ATP13A1: variants seen among roughly 807,000 people sequenced by gnomAD.
ATP13A1 encodes ATPase 13A1.
Under a neutral mutation model 134.8 loss-of-function variants are expected in ATP13A1, and 55 were observed. That is an observed-to-expected ratio of 0.41 (90% confidence interval 0.33 to 0.51). The LOEUF (loss-of-function observed/expected upper bound fraction) is 0.51. Among genes scored for constraint, ATP13A1 ranks in the 20% least tolerant of loss-of-function variants. ATP13A1 has a pLI of 0.29. For missense variants in ATP13A1, 1,389 were observed against 1,652.8 expected, an observed-to-expected ratio of 0.84 and a Z score of 2.77; for synonymous variants, 775 against 725.1, an observed-to-expected ratio of 1.07 and a Z score of -1.10.
In ATP13A1 at chr19:19,663,160, C is replaced by T. The variant is rs1297598001; in HGVS notation, c.396+111G>A. The T allele has an allele frequency of 2.0e-6, 3 of 1,470,220 alleles. No homozygotes were observed. In the East Asian group the frequency reaches 7.4e-5, roughly 36 times the overall value. The allele number at this position is 1,470,220 out of a possible 1,614,324, so 91.1% of individuals were successfully genotyped here. ...TAGAGGGTGCCCCTGGGAATCCAGG[C>T]CAGGCAGATGAGTGGCCCAGGTCGC... On this transcript the variant is annotated intron_variant, in intron 1 of 25. Coordinates refer to ENST00000357324, the MANE Select transcript of ATP13A1 (RefSeq NM_020410.3).
chr19:19,659,705 G>A lies in ATP13A1; in HGVS notation c.573C>T (p.Pro191=), dbSNP rs149569402. ...AGGCGTTTCCCACAGGAAAGGCCAC[G>A]GGGAGAAACTGCTTCTTCTCCAGGG... ...YDALEKKQFL[P]VAFPVGNAFS... The change falls in exon 3 of 26, where the codon CCC becomes CCT. Residue 191 remains proline, a synonymous_variant. Coordinates refer to ENST00000357324, the MANE Select transcript of ATP13A1 (RefSeq NM_020410.3). 706 of 1,613,954 alleles carry A rather than the reference G, an allele frequency of 4.4e-4. No homozygotes were observed. Among genetic ancestry groups the A allele is most frequent in the Non-Finnish European group, 5.5e-4 (654 of 1,179,868 alleles).
At position 19,656,574 on chromosome 19, in the gene ATP13A1, G is replaced by A. The variant is rs1237609534; in HGVS notation, c.1083+86C>T. 11 of 1,397,674 alleles carry A rather than the reference G, an allele frequency of 7.9e-6. No homozygotes were observed. The highest frequency in any genetic ancestry group is 1.1e-5 in the Non-Finnish European group (11 of 1,016,384). The allele number at this position is 1,397,674 out of a possible 1,614,324, so 86.6% of individuals were successfully genotyped here. On this transcript the variant is annotated intron_variant, in intron 7 of 25. Transcript: ENST00000357324. The surrounding 1 kb of genome is among the most constrained non-coding windows in gnomAD (Gnocchi z 4.6). The stretch of plus-strand genomic sequence containing the variant: ...CACTGCCTCCTCCGCCTGTGCCTGA[G>A]GGGGATCCCCGCCACCCCCTGGGCC...
chr19:19,649,994 G>T, intron 17 of ATP13A1, 54 bp from the exon 18 acceptor site: 1 of 1,481,884 alleles, frequency 6.7e-7, no homozygotes, highest in Non-Finnish European at 9.1e-7. Context: ...GGGCTCAGAA[G>T]CACCCTCCCT....
In ATP13A1 at chr19:19,655,471, G is replaced by A; in HGVS notation, c.1397-18C>T. The A allele has an allele frequency of 6.2e-7, 1 of 1,613,988 alleles. No homozygotes were observed. The highest frequency in any genetic ancestry group is 2.2e-5 in the East Asian group (1 of 44,884). ...CTTGGTACCTGTGGAGACAGGGCCT[G>A]CCAACCTGGAGCCTCGGAGGGTGGG... is the stretch of plus-strand genomic sequence containing the variant. On this transcript the variant is annotated intron_variant, in intron 10 of 25. Transcript: ENST00000357324. The surrounding 1 kb of genome is among the most constrained non-coding windows in gnomAD (Gnocchi z 5.7).
chr19:19,661,760 A>G (rs2062096000), intron 1 of ATP13A1, among the ~76,000 whole-genome samples: 1 of 152,166 alleles, frequency 6.6e-6, no homozygotes, highest in Admixed American at 6.5e-5. Context: ...CATGGAGACG[A>G]GCTGCATGGA....
rs114631502 is a variant in ATP13A1 at position 19,646,631 on chromosome 19, C to T, written c.3106-284G>A. ...CAGATCCTGCCCTCCCTGGAGCCCA[C>T]GGGACAGGCACAGTCCCGCCCAGCC... On this transcript the variant is annotated intron_variant, in intron 22 of 25. Transcript: ENST00000357324. 2,074 of 508,668 alleles carry T rather than the reference C, an allele frequency of 4.1e-3. 31 individuals are homozygous for T. The highest frequency in any genetic ancestry group is 0.035 in the African/African-American group (1,805 of 52,016). The allele number at this position is 508,668 out of a possible 1,614,324, so 31.5% of individuals were successfully genotyped here. A position where few individuals can be genotyped will look rare whatever the true frequency, so the allele number is the denominator to read the frequency against.
At position 19,660,006 on chromosome 19, in the gene ATP13A1, G is replaced by A. The variant is rs543272396; in HGVS notation, c.397-19C>T. 2 of 1,550,510 alleles carry A rather than the reference G, an allele frequency of 1.3e-6. No individual in the cohort carries two copies. The highest frequency in any genetic ancestry group is 4.1e-5 in the Admixed American group (2 of 48,842). On this transcript the variant is annotated intron_variant, in intron 1 of 25. Coordinates refer to ENST00000357324, the MANE Select transcript of ATP13A1 (RefSeq NM_020410.3). Reference sequence around the variant, plus strand: ...CGTACTCCTGACAGAGACAAAGAAAGCATTGTGGCTTAGCTCTTCTCAACC... The same window carrying A: ...CGTACTCCTGACAGAGACAAAGAAAACATTGTGGCTTAGCTCTTCTCAACC...
At chr19:19,662,067 A>G in intron 1 of ATP13A1, 2 of 1,574,430 alleles carry the variant, frequency 1.3e-6, no homozygotes, top group Non-Finnish European at 1.7e-6. Context: ...AATCAAACCC[A>G]GATCCACCTC....
At position 19,646,998 on chromosome 19, in the gene ATP13A1, C is replaced by T. The variant is rs952206139; in HGVS notation, c.3105+131G>A. The T allele has an allele frequency of 1.9e-5, 20 of 1,030,742 alleles. No individual in the cohort carries two copies. In the African/African-American group the frequency reaches 3.1e-4, roughly 16 times the overall value. 63.8% of individuals were successfully genotyped at this position (1,030,742 alleles called of 1,614,324 possible). On this transcript the variant is annotated intron_variant, in intron 22 of 25. Coordinates refer to ENST00000357324, the MANE Select transcript of ATP13A1 (RefSeq NM_020410.3). ...ACCTGCCCTGCCAGCATTTCCTGAGCCATCCCAGCTACAGCCCCCATCTCT... is the reference window on the plus strand; with the variant it reads ...ACCTGCCCTGCCAGCATTTCCTGAGTCATCCCAGCTACAGCCCCCATCTCT...
intron 1 of ATP13A1, chr19:19,662,326 G>C (rs571710415): frequency 1.0e-6 from 1 of 985,296 alleles, no homozygotes; most frequent in Non-Finnish European, 1.2e-6. Context: ...CTCAGGAGAG[G>C]AGAATGAGGA....
At position 19,655,139 on chromosome 19, in the gene ATP13A1, C is replaced by T; in HGVS notation, c.1635G>A (p.Val545=). 1 of 1,613,950 alleles carries T rather than the reference C, an allele frequency of 6.2e-7. No individual in the cohort carries two copies. Among genetic ancestry groups the T allele is most frequent in the East Asian group, 2.2e-5 (1 of 44,886 alleles). The change falls in exon 12 of 26, where the codon GTG becomes GTA. Residue 545 remains valine, a synonymous_variant. Transcript: ENST00000357324. The surrounding 1 kb of genome is among the most constrained non-coding windows in gnomAD (Gnocchi z 5.7). ...TGTLTSDSLV[V]RGVAGLRDGK... ...CTTACCTCAGCCCGGCCACACCGCG[C>T]ACCACCAGGCTGTCACTGGTCAACG...
chr19:19,649,968 G>A (rs1232370745), intron 17 of ATP13A1, 28 bp from the exon 18 acceptor site: 1 of 1,554,558 alleles, frequency 6.4e-7, no homozygotes, highest in African/African-American at 1.4e-5. Flanking sequence ...GGTTAGGGCT[G>A]GGGGCTTGGC....
At chr19:19,662,415 T>A in intron 1 of ATP13A1, 1 of 959,900 alleles carries the variant, frequency 1.0e-6, no homozygotes, top group Non-Finnish European at 1.2e-6. Flanking sequence ...CTTTTCCTCT[T>A]CTTGAGGCAA....
Position 19,647,465 on chromosome 19 carries a change from C to A in ATP13A1, c.2857G>T (p.Asp953Tyr). 3 of 1,613,496 alleles carry A rather than the reference C, an allele frequency of 1.9e-6. No homozygotes were observed. The highest frequency in any genetic ancestry group is 2.5e-6 in the Non-Finnish European group (3 of 1,179,700). ...GTGAAGGGTGCTGCGATGCTGGCAT[C>A]CCCCAGTTTCACAATGGGCGTACTC... ...DESTPIVKLG[D>Y]ASIAAPFTSK... Residue 953 changes from aspartate (D) to tyrosine (Y), a missense_variant, in exon 21 of 26, where the codon GAT (aspartate) becomes TAT (tyrosine). By Grantham distance (160) the Asp-to-Tyr change is radical. Coordinates refer to ENST00000357324, the MANE Select transcript of ATP13A1 (RefSeq NM_020410.3). This position sits in a 1 kb window ranked among gnomAD's most constrained non-coding sequence, Gnocchi z 4.8.
chr19:19,648,294 G>A (rs544743221), intron 19 of ATP13A1, among the ~76,000 whole-genome samples: 27 of 152,072 alleles, frequency 1.8e-4, no homozygotes, highest in African/African-American at 6.3e-4. Flanking sequence ...ACTCCAGCCT[G>A]GGCGACAGAG....
rs2062109133 is a variant in ATP13A1 at position 19,663,642 on chromosome 19, T to G, written c.25A>C (p.Asn9His). 2 of 1,300,988 alleles carry G rather than the reference T, an allele frequency of 1.5e-6. No homozygotes were observed. Among genetic ancestry groups the G allele is most frequent in the Admixed American group, 3.7e-5 (1 of 26,994 alleles). 80.6% of individuals were successfully genotyped at this position (1,300,988 alleles called of 1,614,324 possible). A position where few individuals can be genotyped will look rare whatever the true frequency, so the allele number is the denominator to read the frequency against. ...GGCCGGGCCCCGCAGGGCACCGCGT[T>G]GCCCACCGCCGCCGCTGCCGCCATC... MAAAAAVG[N>H]AVPCGARPCG... Residue 9 changes from asparagine (N) to histidine (H), a missense_variant, in exon 1 of 26, where the codon AAC (asparagine) becomes CAC (histidine). Asn to His is a moderately conservative substitution (Grantham distance 68). This residue lies in a region of ATP13A1 where 293 missense variants were observed against 270.8 expected (regional missense o/e 1.08). Transcript: ENST00000357324.
Position 19,649,845 on chromosome 19 carries a change from G to A in ATP13A1, c.2431C>T (p.Leu811Phe), listed in dbSNP as rs2062012861. The change falls in exon 18 of 26, where the codon CTC becomes TTC. Residue 811 changes from leucine to phenylalanine, a missense_variant. Transcript: ENST00000357324. Reference sequence around the variant, plus strand: ...AGGTGGGCCAAGCCGTCGCCTGTGAGGCACAGTGCGTACTCCAGGGCCAGT... The same window carrying A: ...AGGTGGGCCAAGCCGTCGCCTGTGAAGCACAGTGCGTACTCCAGGGCCAGT... ...KALALEYALC[L>F]TGDGLAHLQA... 1.2e-6 allele frequency: 2 copies of A among 1,603,790 alleles called. 1 individual carries two copies. The highest frequency in any genetic ancestry group is 2.2e-5 in the South Asian group (2 of 90,998).
At position 19,653,637 on chromosome 19, in the gene ATP13A1, G is replaced by T; in HGVS notation, c.2100+147C>A. On this transcript the variant is annotated intron_variant, in intron 15 of 25. Transcript: ENST00000357324. This position sits in a 1 kb window ranked among gnomAD's most constrained non-coding sequence, Gnocchi z 4.2. ...GCAGTGGACAGACTGAGTGCCATTT[G>T]GAGTCTCCAAAGGTAGAAGCTGGAG... The T allele has an allele frequency of 1.3e-6, 1 of 749,252 alleles. No individual in the cohort carries two copies. The allele number at this position is 749,252 out of a possible 1,614,324, so 46.4% of individuals were successfully genotyped here.
intron 1 of ATP13A1, among the ~76,000 whole-genome samples, chr19:19,661,216 C>T (rs2062092568): frequency 6.6e-6 from 1 of 152,196 alleles, no homozygotes; most frequent in African/African-American, 2.4e-5. Flanking sequence ...GTGACATGAA[C>T]TCAAATAGGA....
Sources: gnomAD v4.1 joint callset for allele counts (sites outside exome capture counted in the v4.1 genomes callset) on GRCh38, gnomAD v4.1.1 for gene constraint, gnomAD v4.1.1 regional missense constraint, Gnocchi (gnomAD v3.1) non-coding constraint, MANE v1.5 for transcripts, NCBI Gene and HGNC (gene_info 2026-07-23, HGNC 2026-07-21) for gene names.